The following UTRN variants were observed in gnomAD, a reference collection of about 807,000 sequenced individuals.
UTRN encodes utrophin, also known as dystrophin-related protein 1.
In UTRN, 283 loss-of-function variants were observed where a neutral mutation model predicts 463.9. The ratio of observed to expected loss-of-function variants is 0.61; its 90% CI spans 0.55 to 0.67. The LOEUF is 0.67. Ranked by LOEUF, UTRN falls within the 30% of genes least tolerant of loss-of-function variation. UTRN has a pLI of 0.00. For synonymous variants in UTRN, 1,442 were observed against 1,431.5 expected, an observed-to-expected ratio of 1.01 and a Z score of -0.17; for missense variants, 3,922 against 4,084.3, an observed-to-expected ratio of 0.96 and a Z score of 1.08.
chr6:144,632,775 G>A (rs1585679667), intron 51 of UTRN, among the ~76,000 whole-genome samples: 1 of 150,528 alleles, frequency 6.6e-6, no homozygotes, highest in Non-Finnish European at 1.5e-5. Flanking sequence ...AGGCTGGAGT[G>A]CAATGGCAAG....
chr6:144,579,817 G>T (rs564752201), intron 51 of UTRN, among the ~76,000 whole-genome samples: 2 of 152,076 alleles, frequency 1.3e-5, no homozygotes, highest in African/African-American at 4.8e-5. Context: ...TTTACTAAGA[G>T]TCCACTAAAA....
chr6:144,695,142 T>C (rs1373803928), intron 52 of UTRN, among the ~76,000 whole-genome samples: 2 of 152,130 alleles, frequency 1.3e-5, no homozygotes, highest in Admixed American at 6.6e-5. Flanking sequence ...CTCTAATTTA[T>C]CATAATTTTT....
chr6:144,790,703 T>C (rs952291886), intron 62 of UTRN, among the ~76,000 whole-genome samples: 1 of 152,218 alleles, frequency 6.6e-6, no homozygotes. Context: ...TGAAAAGATA[T>C]AATTTCAACA....
chr6:144,433,527 G>GCTGCA, intron 9 of UTRN, among the ~76,000 whole-genome samples: 2 of 149,700 alleles, frequency 1.3e-5, no homozygotes, highest in South Asian at 2.1e-4. Flanking sequence ...CCGGGCAGAG[G>GCTGCA]GGCTCCTCAC....
chr6:144,433,357 C>G (rs1424514349), intron 9 of UTRN, among the ~76,000 whole-genome samples: 12 of 136,880 alleles, frequency 8.8e-5, no homozygotes, highest in Non-Finnish European at 1.3e-4. Context: ...GCTGGCCTGG[C>G]GGGGGCTGAC....
At chr6:144,739,773 G>A (rs1176266210) in intron 54 of UTRN, among the ~76,000 whole-genome samples, 1 of 152,106 alleles carries the variant, frequency 6.6e-6, no homozygotes, top group African/African-American at 2.4e-5. Flanking sequence ...ACCAGGAAGG[G>A]CTCACCCTTC....
At chr6:144,622,782 G>C (rs946044634) in intron 51 of UTRN, among the ~76,000 whole-genome samples, 5 of 152,094 alleles carry the variant, frequency 3.3e-5, no homozygotes, top group African/African-American at 4.8e-5. Context: ...TTTAGCTCTA[G>C]AAAACAGGAA....
chr6:144,488,357 T>A (rs1310981652), intron 29 of UTRN, among the ~76,000 whole-genome samples: 1 of 152,216 alleles, frequency 6.6e-6, no homozygotes, highest in Non-Finnish European at 1.5e-5. Context: ...CATTGCTGAT[T>A]CCTAAAAATG....
intron 52 of UTRN, among the ~76,000 whole-genome samples, chr6:144,681,094 C>A (rs1351801229): frequency 6.6e-6 from 1 of 152,112 alleles, no homozygotes; most frequent in Non-Finnish European, 1.5e-5. Context: ...GTAGGAGACA[C>A]TTTCGGCATC....
At chr6:144,555,018 T>G in intron 49 of UTRN, 125 bp downstream of exon 49, 1 of 1,161,360 alleles carries the variant, frequency 8.6e-7, no homozygotes, top group South Asian at 1.7e-5. Context: ...GAGTGTCTAA[T>G]GAAATTTATA....
intron 51 of UTRN, among the ~76,000 whole-genome samples, chr6:144,628,346 A>G (rs1776158322): frequency 6.6e-6 from 1 of 152,096 alleles, no homozygotes; most frequent in Non-Finnish European, 1.5e-5. Flanking sequence ...CCTTTGAAAA[A>G]TCTGTATGAA....
In UTRN at chr6:144,286,033, G is replaced by C. The variant is rs1172944850; in HGVS notation, c.-93+212G>C. Among the ~76,000 whole-genome samples, 2 of 152,246 alleles carry C rather than the reference G, an allele frequency of 1.3e-5. No homozygotes were observed. The highest frequency in any genetic ancestry group is 4.8e-5 in the African/African-American group (2 of 41,474). On this transcript the variant is annotated intron_variant, in intron 1 of 74. Transcript: ENST00000367545. This position sits in a 1 kb window ranked among gnomAD's most constrained non-coding sequence, Gnocchi z 4.4. ...CTCAGTTTAGCTCCCCGCGGTGCGA[G>C]AGAGAATGCCGGAGGCGTGGAGAGC...
At chr6:144,770,574 T>A (rs1483123197) in intron 58 of UTRN, among the ~76,000 whole-genome samples, 3 of 151,996 alleles carry the variant, frequency 2.0e-5, no homozygotes, top group African/African-American at 7.2e-5. Flanking sequence ...TAACTCTTTT[T>A]AAATGTAAGG....
intron 2 of UTRN, among the ~76,000 whole-genome samples, chr6:144,376,676 T>G (rs1171105669): frequency 6.6e-6 from 1 of 152,178 alleles, no homozygotes; most frequent in African/African-American, 2.4e-5. Flanking sequence ...CCTAAACATT[T>G]ATAGCATTAT....
intron 51 of UTRN, among the ~76,000 whole-genome samples, chr6:144,582,996 G>A (rs1802120341): frequency 6.6e-6 from 1 of 152,194 alleles, no homozygotes. Flanking sequence ...TTATTGGGTA[G>A]TGAACATATC....
intron 32 of UTRN, among the ~76,000 whole-genome samples, chr6:144,492,729 G>T (rs1437227490): frequency 6.6e-6 from 1 of 152,154 alleles, no homozygotes; most frequent in Non-Finnish European, 1.5e-5. Context: ...GTGTGAGATA[G>T]TATCTTATTG....
intron 50 of UTRN, among the ~76,000 whole-genome samples, chr6:144,568,548 A>G (rs1331450486): frequency 6.6e-6 from 1 of 152,192 alleles, no homozygotes; most frequent in East Asian, 1.9e-4. Flanking sequence ...TCATAGACGA[A>G]TGCAAGTTCA....
intron 19 of UTRN, among the ~76,000 whole-genome samples, chr6:144,455,230 ATTTC>A (rs1364737627): frequency 1.8e-4 from 28 of 152,260 alleles, no homozygotes; most frequent in Admixed American, 9.2e-4. Context: ...ATAAATGTTA[ATTTC>A]TTTCTTTAAA....
chr6:144,700,350 TC>T lies in UTRN; in HGVS notation c.7809+116del, dbSNP rs368779843. 8.9e-3 allele frequency: 10,873 copies of T among 1,221,084 alleles called. 547 individuals carry two copies. In the African/African-American group the frequency reaches 0.14, roughly 16 times the overall value. The allele number at this position is 1,221,084 out of a possible 1,614,324, so 75.6% of individuals were successfully genotyped here. On this transcript the variant is annotated intron_variant, in intron 53 of 74. Coordinates refer to ENST00000367545, the MANE Select transcript of UTRN (RefSeq NM_007124.3). ...AGAGTTGAACCAATTATCACAGGATTCCCCCCCCCACCACCGTCTGCTTTTA... is the reference window on the plus strand; with the variant it reads ...AGAGTTGAACCAATTATCACAGGATTCCCCCCCCACCACCGTCTGCTTTTA...
Sources: gnomAD v4.1 joint callset for allele counts (sites outside exome capture counted in the v4.1 genomes callset) on GRCh38, gnomAD v4.1.1 for gene constraint, Gnocchi (gnomAD v3.1) non-coding constraint, MANE v1.5 for transcripts, NCBI Gene and HGNC (gene_info 2026-07-23, HGNC 2026-07-21) for gene names.